RAPGEF5: variants seen among roughly 807,000 people sequenced by gnomAD.
RAPGEF5 encodes Rap guanine nucleotide exchange factor 5, also known as M-Ras-regulated GEF.
RAPGEF5 carries 65 observed loss-of-function variants against 125.2 expected under a neutral mutation model. That is an observed-to-expected ratio of 0.52 (90% CI 0.43 to 0.64). RAPGEF5 has a LOEUF of 0.64. Among genes scored for constraint, RAPGEF5 ranks in the 30% least tolerant of loss-of-function variants. The pLI, the probability that RAPGEF5 is intolerant of heterozygous loss-of-function variation, is 0.00. For missense variants in RAPGEF5, 958 were observed against 1,048.1 expected (o/e 0.91, Z 1.19); for synonymous variants, 391 against 385.9 (o/e 1.01, Z -0.16).
intron 1 of RAPGEF5, among the ~76,000 whole-genome samples, chr7:22,340,092 C>G (rs1268272976): frequency 6.6e-6 from 1 of 152,154 alleles, no homozygotes; most frequent in Non-Finnish European, 1.5e-5. Flanking sequence ...CATCCAAACT[C>G]CTGAAAAGGG....
chr7:22,131,624 T>A (rs1225560139), intron 23 of RAPGEF5, among the ~76,000 whole-genome samples: 1 of 152,166 alleles, frequency 6.6e-6, no homozygotes, highest in African/African-American at 2.4e-5. Context: ...GTACCAGGAA[T>A]AAGTGAGGAA....
chr7:22,150,445 GA>G lies in RAPGEF5; in HGVS notation c.1845del (p.Arg616GlufsTer13). 2 of 1,603,498 alleles carry G rather than the reference GA, an allele frequency of 1.2e-6. No individual in the cohort carries two copies. The highest frequency in any genetic ancestry group is 1.7e-6 in the Non-Finnish European group (2 of 1,176,134). On this transcript the variant is annotated frameshift_variant, in exon 18 of 26. Transcript: ENST00000665637. LOFTEE classifies it high-confidence loss of function. The stretch of plus-strand genomic sequence containing the variant: ...AGGTCTTTCCGGTAGACATATATTC[GA>G]CCAGATGCCTCGAGGGATTTGGAGA... ...LVISKSLEAS[G>X]RIYVYRKDLA...
chr7:22,274,876 C>G (rs1782521191), intron 6 of RAPGEF5, among the ~76,000 whole-genome samples: 1 of 152,154 alleles, frequency 6.6e-6, no homozygotes, highest in African/African-American at 2.4e-5. Context: ...CCAAAAAACT[C>G]TTCAAAGATT....
intron 6 of RAPGEF5, among the ~76,000 whole-genome samples, chr7:22,283,236 C>T (rs1782717109): frequency 6.6e-6 from 1 of 152,150 alleles, no homozygotes; most frequent in South Asian, 2.1e-4. Flanking sequence ...ATCCACAGTA[C>T]TGTTATTTCA....
intron 8 of RAPGEF5, among the ~76,000 whole-genome samples, chr7:22,229,385 C>G (rs895452155): frequency 1.3e-5 from 2 of 152,134 alleles, no homozygotes; most frequent in African/African-American, 4.8e-5. Context: ...TAACATATTT[C>G]ATCATCTATG....
intron 6 of RAPGEF5, among the ~76,000 whole-genome samples, chr7:22,271,615 C>A (rs1172757254): frequency 6.6e-6 from 1 of 152,188 alleles, no homozygotes; most frequent in Non-Finnish European, 1.5e-5. Flanking sequence ...ATTCAAAACA[C>A]TTGCAGCTGA....
chr7:22,230,878 C>T lies in RAPGEF5; in HGVS notation c.838G>A (p.Val280Ile). The change falls in exon 8 of 26, where the codon GTA becomes ATA. Residue 280 changes from valine to isoleucine, a missense_variant. Physicochemically the swap from Val to Ile is conservative, Grantham distance 29 (BLOSUM62 3). Coordinates refer to ENST00000665637, the MANE Select transcript of RAPGEF5 (RefSeq NM_012294.5). ...TCTGGAACACTTTCGGCTTCTGTTA[C>T]AGCTACATGTTTGTCGTTGTTTTCT... The part of the protein sequence containing the change: ...DEENNDKHVA[V>I]TEAESVPDSQ... The T allele has an allele frequency of 1.3e-6, 2 of 1,566,552 alleles. No homozygotes were observed. Among genetic ancestry groups the T allele is most frequent in the Non-Finnish European group, 1.7e-6 (2 of 1,153,644 alleles).
intron 6 of RAPGEF5, among the ~76,000 whole-genome samples, chr7:22,277,211 T>G (rs1000686210): frequency 1.3e-5 from 2 of 152,182 alleles, no homozygotes; most frequent in Admixed American, 1.3e-4. Flanking sequence ...AGGACAGACT[T>G]CAGGTTTCAA....
intron 1 of RAPGEF5, among the ~76,000 whole-genome samples, chr7:22,328,735 T>C (rs1783858921): frequency 6.6e-6 from 1 of 152,206 alleles, no homozygotes; most frequent in South Asian, 2.1e-4. Context: ...TCCCACAGTC[T>C]TCTCTACTGG....
intron 12 of RAPGEF5, among the ~76,000 whole-genome samples, chr7:22,166,441 T>C (rs892608540): frequency 2.6e-5 from 4 of 152,324 alleles, no homozygotes; most frequent in Non-Finnish European, 5.9e-5. Context: ...ATTTCTTTTG[T>C]GGCATTTCAA....
chr7:22,299,048 A>C (rs1161991209), intron 5 of RAPGEF5, among the ~76,000 whole-genome samples: 1 of 143,220 alleles, frequency 7.0e-6, no homozygotes, highest in Admixed American at 6.9e-5. Flanking sequence ...GAACCAACTT[A>C]GTTTCATTAT....
chr7:22,247,367 G>C (rs548429330), intron 7 of RAPGEF5, among the ~76,000 whole-genome samples: 1 of 152,208 alleles, frequency 6.6e-6, no homozygotes, highest in African/African-American at 2.4e-5. Flanking sequence ...TTGAATTGTA[G>C]CTCCCATAAT....
chr7:22,255,973 T>TCAGGGTGGCACCAC (rs1305906618), intron 7 of RAPGEF5, among the ~76,000 whole-genome samples: 1 of 152,228 alleles, frequency 6.6e-6, no homozygotes, highest in African/African-American at 2.4e-5. Context: ...TGTGTGAGTC[T>TCAGGGTGGCACCAC]CAGGGTGGCA....
At chr7:22,157,787 GC>G in intron 15 of RAPGEF5, 67 bp downstream of exon 15, 1 of 1,504,710 alleles carries the variant, frequency 6.6e-7, no homozygotes, top group Non-Finnish European at 9.2e-7. Context: ...TATGAAACAC[GC>G]CAAGGGAGGC....
intron 5 of RAPGEF5, among the ~76,000 whole-genome samples, chr7:22,297,366 T>C (rs75123675): frequency 0.033 from 4,964 of 152,164 alleles, 251 homozygotes; most frequent in African/African-American, 0.11. Context: ...GTTGACAGAT[T>C]TGGTAAATAA....
intron 6 of RAPGEF5, among the ~76,000 whole-genome samples, chr7:22,271,444 A>G (rs1782424506): frequency 6.6e-6 from 1 of 152,222 alleles, no homozygotes. Context: ...CTGTATTTAG[A>G]TATAAAATTA....
intron 14 of RAPGEF5, 108 bp from the exon 15 acceptor site, chr7:22,157,993 TA>T (rs1562726085): frequency 6.7e-5 from 65 of 970,544 alleles, no homozygotes; most frequent in Admixed American, 2.7e-4. Context: ...TTTTGCTCTT[TA>T]AAAAAAATAA....
chr7:22,127,040 CTT>C (rs11460551), intron 24 of RAPGEF5, among the ~76,000 whole-genome samples: 8 of 132,840 alleles, frequency 6.0e-5, no homozygotes, highest in Non-Finnish European at 4.7e-5. Context: ...CAAAAGTCTT[CTT>C]TTTTTTTTTT....
chr7:22,125,163 G>A (rs948204452), intron 25 of RAPGEF5: 1 of 153,034 alleles, frequency 6.5e-6, no homozygotes, highest in African/African-American at 2.4e-5. Context: ...GAGGAGAAAA[G>A]ATTCTGGAAG....
Sources: gnomAD v4.1 joint callset for allele counts (sites outside exome capture counted in the v4.1 genomes callset) on GRCh38, gnomAD v4.1.1 for gene constraint, MANE v1.5 for transcripts, NCBI Gene and HGNC (gene_info 2026-07-23, HGNC 2026-07-21) for gene names.